HYDIN: variants seen among roughly 807,000 people sequenced by gnomAD.
HYDIN encodes axonemal central pair apparatus protein HYDIN.
HYDIN carries 132 observed loss-of-function variants against 403.9 expected under a neutral mutation model. The observed-to-expected ratio is 0.33, with a 90% CI of 0.28 to 0.38. The LOEUF (loss-of-function observed/expected upper bound fraction) is 0.38, where lower values mean the gene tolerates loss of function less well. Among genes scored for constraint, HYDIN ranks in the 10% least tolerant of loss-of-function variants. The pLI is 1.00. For missense variants in HYDIN, 2,827 were observed against 5,009.5 expected (o/e 0.56, Z 13.15); for synonymous variants, 1,202 against 1,891.7 (o/e 0.64, Z 9.46).
chr16:70,890,000 A>T (rs1262170149), intron 57 of HYDIN, among the ~76,000 whole-genome samples: 1 of 152,278 alleles, frequency 6.6e-6, no homozygotes, highest in African/African-American at 2.4e-5. Flanking sequence ...ACTGGAAAGC[A>T]GTGTGCAGAA....
At chr16:71,124,269 C>T (rs2084365921) in intron 9 of HYDIN, among the ~76,000 whole-genome samples, 1 of 152,242 alleles carries the variant, frequency 6.6e-6, no homozygotes, top group African/African-American at 2.4e-5. Context: ...AACCTGCGGC[C>T]ACATGGTTGG....
At chr16:70,810,037 G>C in intron 84 of HYDIN, 30 bp from the exon 85 acceptor site, 4 of 1,599,734 alleles carry the variant, frequency 2.5e-6, no homozygotes, top group Non-Finnish European at 3.4e-6. Flanking sequence ...ATCCTGTCAT[G>C]CTGAAAGGCT....
chr16:70,807,196 A>C lies in HYDIN; in HGVS notation c.*384T>G, dbSNP rs1168472152. On this transcript the variant is annotated 3_prime_UTR_variant, in exon 86 of 86. Coordinates refer to ENST00000393567, the MANE Select transcript of HYDIN (RefSeq NM_001270974.2). The stretch of plus-strand genomic sequence containing the variant: ...GGCTTTTTAAACCATTTTGGATTTT[A>C]AAAAGAAACTGCAGTACCCAGCGTC... Among the ~76,000 whole-genome samples the C allele has an allele frequency of 6.6e-6, 1 of 152,234 alleles. No homozygotes were observed. The highest frequency in any genetic ancestry group is 2.4e-5 in the African/African-American group (1 of 41,462).
In HYDIN at chr16:71,230,626, TCA is replaced by T. The variant is rs2041240766; in HGVS notation, c.-90_-89del. On this transcript the variant is annotated 5_prime_UTR_variant, in exon 1 of 86. The change creates a premature stop within an existing upstream ORF in the 5' untranslated region. Coordinates refer to ENST00000393567, the MANE Select transcript of HYDIN (RefSeq NM_001270974.2). ...TCCCCGCCAAGACCCCGCGTCCAACTCACAGACCCCGCCGCCGCTGAGGGGCT... is the reference window on the plus strand; with the variant it reads ...TCCCCGCCAAGACCCCGCGTCCAACTCAGACCCCGCCGCCGCTGAGGGGCT... The T allele has an allele frequency of 1.3e-6, 2 of 1,535,972 alleles. No individual in the cohort carries two copies. The highest frequency in any genetic ancestry group is 1.4e-5 in the African/African-American group (1 of 73,114).
intron 1 of HYDIN, among the ~76,000 whole-genome samples, chr16:71,219,803 C>T (rs763064090): frequency 6.6e-6 from 1 of 152,174 alleles, no homozygotes; most frequent in Non-Finnish European, 1.5e-5. Context: ...ATTCCAAGCC[C>T]CCATCCCTCT....
intron 18 of HYDIN, among the ~76,000 whole-genome samples, chr16:71,032,323 G>A (rs2080944116): frequency 8.1e-6 from 1 of 123,604 alleles, no homozygotes. Context: ...TTTTTTTTTG[G>A]AGTTTGAAAT....
rs1314014046 is a variant in HYDIN at position 70,932,211 on chromosome 16, C to T, written c.7158+3741G>A. Among the ~76,000 whole-genome samples, 5 of 147,352 alleles carry T rather than the reference C, an allele frequency of 3.4e-5. No homozygotes were observed. In the East Asian group the frequency reaches 1.0e-3, roughly 30 times the overall value. On this transcript the variant is annotated intron_variant, in intron 45 of 85. Coordinates refer to ENST00000393567, the MANE Select transcript of HYDIN (RefSeq NM_001270974.2). ...CTCTACTAAAAATATAAAAATTAGC[C>T]GAGTGTGGTGGCGGGCGCCTGTAAT...
chr16:71,178,882 C>T (rs2144649529), intron 4 of HYDIN, 46 bp downstream of exon 4: 1 of 1,519,848 alleles, frequency 6.6e-7, no homozygotes, highest in East Asian at 2.3e-5. Flanking sequence ...TTAACCCATT[C>T]TCATATATCC....
chr16:70,835,847 A>C lies in HYDIN; in HGVS notation c.13243-13T>G. 4 of 637,272 alleles carry C rather than the reference A, an allele frequency of 6.3e-6. No homozygotes were observed. The highest frequency in any genetic ancestry group is 1.1e-5 in the Non-Finnish European group (4 of 359,728). 39.5% of individuals were successfully genotyped at this position (637,272 alleles called of 1,614,324 possible). A position where few individuals can be genotyped will look rare whatever the true frequency, so the allele number is the denominator to read the frequency against. ...CTAGGACTAAAATCTGTGGGACAAGAAAGAGTAGGAAGAAGAGTTCATTAG... is the reference window on the plus strand; with the variant it reads ...CTAGGACTAAAATCTGTGGGACAAGCAAGAGTAGGAAGAAGAGTTCATTAG... On this transcript the variant is annotated splice_polypyrimidine_tract_variant and intron_variant, in intron 77 of 85. Coordinates refer to ENST00000393567, the MANE Select transcript of HYDIN (RefSeq NM_001270974.2).
chr16:71,125,795 T>C (rs1049922111), intron 9 of HYDIN, among the ~76,000 whole-genome samples: 2 of 152,234 alleles, frequency 1.3e-5, no homozygotes, highest in African/African-American at 4.8e-5. Flanking sequence ...CTCAGATTTC[T>C]GCCATTTCCT....
chr16:70,967,785 C>T (rs1260595611), intron 36 of HYDIN, among the ~76,000 whole-genome samples: 1 of 151,920 alleles, frequency 6.6e-6, no homozygotes, highest in Admixed American at 6.6e-5. Flanking sequence ...TAGGGTTTTG[C>T]TATGTTGCCC....
chr16:71,056,455 CTAAG>C (rs1208894579), intron 18 of HYDIN, among the ~76,000 whole-genome samples: 1 of 151,964 alleles, frequency 6.6e-6, no homozygotes, highest in African/African-American at 2.4e-5. Context: ...CCAAATTGCT[CTAAG>C]TGTCATTTAT....
intron 13 of HYDIN, among the ~76,000 whole-genome samples, chr16:71,071,388 G>A (rs1512608): frequency 6.7e-6 from 1 of 149,776 alleles, no homozygotes; most frequent in Non-Finnish European, 1.5e-5. Context: ...TAGGTTTCTA[G>A]TTGCAACCAA....
chr16:71,227,370 A>C (rs1043153635), intron 1 of HYDIN, among the ~76,000 whole-genome samples: 2 of 152,204 alleles, frequency 1.3e-5, no homozygotes, highest in Admixed American at 1.3e-4. Context: ...GAGGAAGTCA[A>C]ATTGTCCCTG....
At chr16:70,936,566 C>T (rs1431781949) in intron 44 of HYDIN, among the ~76,000 whole-genome samples, 61 of 138,302 alleles carry the variant, frequency 4.4e-4, no homozygotes, top group African/African-American at 1.3e-3. Context: ...GACAGAGTCT[C>T]GCTCTGTCAC....
At chr16:71,117,482 A>G (rs2084085727) in intron 9 of HYDIN, among the ~76,000 whole-genome samples, 1 of 152,186 alleles carries the variant, frequency 6.6e-6, no homozygotes, top group South Asian at 2.1e-4. Flanking sequence ...ATAACTGACT[A>G]CTATGATCGA....
intron 30 of HYDIN, among the ~76,000 whole-genome samples, 158 bp downstream of exon 30, chr16:70,978,756 A>G (rs543225200): frequency 6.6e-6 from 1 of 152,090 alleles, no homozygotes; most frequent in East Asian, 1.9e-4. Flanking sequence ...TCTGTACCTC[A>G]GAGACCATGT....
chr16:70,905,243 C>T (rs544346076), intron 50 of HYDIN, among the ~76,000 whole-genome samples: 6 of 151,892 alleles, frequency 4.0e-5, no homozygotes, highest in East Asian at 3.9e-4. Flanking sequence ...CACTTCCATC[C>T]GGCACTGTGC....
chr16:71,051,645 C>CAAAAAAAA (rs56676777), intron 18 of HYDIN, among the ~76,000 whole-genome samples: 37 of 120,100 alleles, frequency 3.1e-4, no homozygotes, highest in African/African-American at 6.1e-4. Context: ...GACTCTGTCT[C>CAAAAAAAA]AAAAAAAAAA....
Sources: allele counts gnomAD v4.1 joint callset (sites outside exome capture counted in the v4.1 genomes callset), GRCh38; gene constraint gnomAD v4.1.1; transcripts MANE v1.5; gene names NCBI Gene and HGNC (gene_info 2026-07-23, HGNC 2026-07-21).